AKAP8: variants seen among roughly 807,000 people sequenced by gnomAD.
AKAP8 encodes the protein A-kinase anchor protein 8.
In AKAP8, 24 loss-of-function variants were observed where a neutral mutation model predicts 67.5. The ratio of observed to expected loss-of-function variants is 0.36; its 90% CI spans 0.26 to 0.50. AKAP8 has a LOEUF of 0.50. Ranked by LOEUF, AKAP8 falls within the 20% of genes least tolerant of loss-of-function variation. The pLI is 0.97. For synonymous variants in AKAP8, 400 were observed against 371.1 expected (o/e 1.08, Z -0.90); for missense variants, 971 against 955.9 (o/e 1.02, Z -0.21).
At position 15,369,349 on chromosome 19, in the gene AKAP8, T is replaced by C; in HGVS notation, c.1072+797A>G. The C allele has an allele frequency of 1.3e-6, 1 of 779,738 alleles. No individual in the cohort carries two copies. The highest frequency in any genetic ancestry group is 1.6e-6 in the Non-Finnish European group (1 of 642,338). The allele number at this position is 779,738 out of a possible 1,614,324, so 48.3% of individuals were successfully genotyped here. The stretch of plus-strand genomic sequence containing the variant: ...AGGACCGCAGAGGGCTGGCAAAGCC[T>C]GAACAGGAGGAACATCTAAGCCAAG... On this transcript the variant is annotated intron_variant, in intron 8 of 13. Coordinates refer to ENST00000269701, the MANE Select transcript of AKAP8 (RefSeq NM_005858.4). This position sits in a 1 kb window ranked among gnomAD's most constrained non-coding sequence, Gnocchi z 4.6.
intron 2 of AKAP8, 142 bp from the exon 3 acceptor site, chr19:15,374,777 T>G: frequency 2.2e-6 from 2 of 892,132 alleles, no homozygotes; most frequent in Non-Finnish European, 3.4e-6. Flanking sequence ...TTGGGTGTTT[T>G]TAGCTCACTC....
In AKAP8 at chr19:15,379,768, G is replaced by C. The variant is rs747520628; in HGVS notation, c.-37C>G. On this transcript the variant is annotated 5_prime_UTR_variant, in exon 1 of 14. Coordinates refer to ENST00000269701, the MANE Select transcript of AKAP8 (RefSeq NM_005858.4). ...GGCCCACCAGCAGCCCCGTTTACTA[G>C]GCGACCACAGCACGCATGCGTTCAG... 2 of 1,609,598 alleles carry C rather than the reference G, an allele frequency of 1.2e-6. No individual in the cohort carries two copies. Among genetic ancestry groups the C allele is most frequent in the Non-Finnish European group, 1.7e-6 (2 of 1,178,452 alleles).
chr19:15,363,203 A>C (rs1194833204), intron 9 of AKAP8, among the ~76,000 whole-genome samples: 2 of 149,062 alleles, frequency 1.3e-5, no homozygotes, highest in Admixed American at 1.3e-4. Flanking sequence ...TCCGCCCGGC[A>C]GCCACCTTGT....
At chr19:15,374,444 G>A (rs1967217323) in intron 3 of AKAP8, among the ~76,000 whole-genome samples, 159 bp downstream of exon 3, 1 of 152,174 alleles carries the variant, frequency 6.6e-6, no homozygotes, top group Admixed American at 6.5e-5. Context: ...ACAGCCCTCT[G>A]CAGTCCCCCC....
In AKAP8 at chr19:15,361,096, G is replaced by A. The variant is rs1966957574; in HGVS notation, c.1397-118C>T. 2.3e-6 allele frequency: 3 copies of A among 1,331,822 alleles called. No individual in the cohort carries two copies. In the East Asian group the frequency reaches 7.5e-5, roughly 33 times the overall value. The allele number at this position is 1,331,822 out of a possible 1,614,324, so 82.5% of individuals were successfully genotyped here. A position where few individuals can be genotyped will look rare whatever the true frequency, so the allele number is the denominator to read the frequency against. ...CTAAGGAATCAGAAGGGCACAGCCT[G>A]CCTTTCTATGGGGAGTATGGGTCAG... On this transcript the variant is annotated intron_variant, in intron 11 of 13. Transcript: ENST00000269701.
chr19:15,365,671 G>A (rs1599563013), intron 9 of AKAP8, among the ~76,000 whole-genome samples: 1 of 152,210 alleles, frequency 6.6e-6, no homozygotes, highest in African/African-American at 2.4e-5. Flanking sequence ...CTGATGAGCT[G>A]TGTGCTTCCC....
At chr19:15,372,455 T>C (rs1967175570) in intron 5 of AKAP8, 108 bp from the exon 6 acceptor site, 2 of 1,436,156 alleles carry the variant, frequency 1.4e-6, no homozygotes, top group Non-Finnish European at 1.9e-6. Context: ...ACAAAAGGTC[T>C]TTTCAAAAAG....
chr19:15,378,329 G>A (rs1051583652), intron 1 of AKAP8, among the ~76,000 whole-genome samples: 6 of 152,188 alleles, frequency 3.9e-5, no homozygotes, highest in Admixed American at 6.5e-5. Context: ...TGAAGCTCTA[G>A]TGTAAGTGGC....
In AKAP8 at chr19:15,372,057, G is replaced by A. The variant is rs567950249; in HGVS notation, c.992-59C>T. 5.2e-5 allele frequency: 84 copies of A among 1,611,180 alleles called. No individual in the cohort carries two copies. The East Asian group carries it at 1.3e-3, about 25-fold the overall frequency. ...CGGAGAACGGTCCCATCCGGTTTCC[G>A]CCCTCCCAAGCTCGCCATCCAGGGT... is the stretch of plus-strand genomic sequence containing the variant. On this transcript the variant is annotated intron_variant, in intron 6 of 13. Transcript: ENST00000269701.
In AKAP8 at chr19:15,372,878, C is replaced by T. The variant is rs746610527; in HGVS notation, c.834G>A (p.Ser278=). The T allele has an allele frequency of 1.3e-5, 20 of 1,500,934 alleles. No homozygotes were observed. The East Asian group carries it at 1.9e-4, about 14-fold the overall frequency. 93.0% of individuals were successfully genotyped at this position (1,500,934 alleles called of 1,614,324 possible). A position where few individuals can be genotyped will look rare whatever the true frequency, so the allele number is the denominator to read the frequency against. Residue 278 remains serine, a synonymous_variant, in exon 5 of 14, where the codon TCG becomes TCA. Coordinates refer to ENST00000269701, the MANE Select transcript of AKAP8 (RefSeq NM_005858.4). ...GATCCCGATCCCGCATCCGAGGCTG[C>T]GAGCGGCCACATCCGTAGGGCATGG... ...DSTMPYGCGR[S]QPRMRDRDRP... is the part of the protein sequence containing the mutation.
At chr19:15,367,725 G>A (rs963123193) in intron 9 of AKAP8, among the ~76,000 whole-genome samples, 11 of 152,164 alleles carry the variant, frequency 7.2e-5, no homozygotes, top group Admixed American at 2.6e-4. Context: ...TCTATTGTGG[G>A]ACAAAATCTT....
chr19:15,379,201 T>C (rs1967320095), intron 1 of AKAP8: 1 of 153,966 alleles, frequency 6.5e-6, no homozygotes, highest in Admixed American at 6.5e-5. Flanking sequence ...GCGGAGACCC[T>C]ACACGGCCCC....
intron 1 of AKAP8, chr19:15,378,962 G>A (rs1344927813): frequency 3.9e-5 from 6 of 153,462 alleles, no homozygotes; most frequent in African/African-American, 1.4e-4. Context: ...AACTGCCAAT[G>A]TCACCAGCCC....
In AKAP8 at chr19:15,371,146, G is replaced by C. The variant is rs74649079; in HGVS notation, c.1038+806C>G. ...TCTCCTGCCTGTTCCCTGCCTGTGT[G>C]ACTCTAAGGACTTGGGGAAGGCCCT... On this transcript the variant is annotated intron_variant, in intron 7 of 13. Transcript: ENST00000269701. 2.1e-3 allele frequency among the ~76,000 whole-genome samples: 317 copies of C among 152,244 alleles called. 1 individual carries two copies. Among genetic ancestry groups the C allele is most frequent in the African/African-American group, 7.2e-3 (300 of 41,532 alleles).
At chr19:15,357,829 A>G (rs989780226) in intron 13 of AKAP8, among the ~76,000 whole-genome samples, 1 of 149,622 alleles carries the variant, frequency 6.7e-6, no homozygotes, top group Non-Finnish European at 1.5e-5. Flanking sequence ...CCACAGGCGC[A>G]TGCCACCACG....
chr19:15,378,381 T>A (rs1967293320), intron 1 of AKAP8, among the ~76,000 whole-genome samples: 1 of 151,882 alleles, frequency 6.6e-6, no homozygotes, highest in African/African-American at 2.4e-5. Flanking sequence ...ACACAAGAAA[T>A]CAGGGAAGCT....
chr19:15,379,675 C>A, intron 1 of AKAP8, 38 bp downstream of exon 1: 1 of 1,601,230 alleles, frequency 6.2e-7, no homozygotes, highest in Non-Finnish European at 8.5e-7. Flanking sequence ...CGCACAGAGC[C>A]TTCCCTCCCC....
At chr19:15,358,857 CA>C in intron 13 of AKAP8, 109 bp downstream of exon 13, 1 of 1,010,010 alleles carries the variant, frequency 9.9e-7, no homozygotes. Flanking sequence ...CCTCAACTGT[CA>C]AAAGACTCAG....
At chr19:15,372,123 G>C in intron 6 of AKAP8, 95 bp downstream of exon 6, 2 of 1,608,016 alleles carry the variant, frequency 1.2e-6, no homozygotes, top group Admixed American at 1.7e-5. Flanking sequence ...CATGCCACCT[G>C]CGAGTGTCCA....
Sources: allele counts gnomAD v4.1 joint callset (sites outside exome capture counted in the v4.1 genomes callset), GRCh38; gene constraint gnomAD v4.1.1; non-coding constraint Gnocchi (gnomAD v3.1); transcripts MANE v1.5; gene names NCBI Gene and HGNC (gene_info 2026-07-23, HGNC 2026-07-21).